Variants in GREM2 observed in about 807,000 individuals in gnomAD.
GREM2 encodes gremlin 2, DAN family BMP antagonist.
A neutral mutation model predicts 14.2 loss-of-function variants in GREM2; 11 were observed. The ratio of observed to expected loss-of-function variants is 0.78; its 90% CI spans 0.49 to 1.28. The LOEUF is 1.28. Among genes scored for constraint, GREM2 ranks in the 50% most tolerant of loss-of-function variants. The pLI is 0.00. For synonymous variants in GREM2, 98 were observed against 97.6 expected (o/e 1.00, Z -0.02); for missense variants, 210 against 218.5 (o/e 0.96, Z 0.24).
At chr1:240,603,116 G>C (rs1158387442) in intron 1 of GREM2, among the ~76,000 whole-genome samples, 1 of 152,086 alleles carries the variant, frequency 6.6e-6, no homozygotes, top group Non-Finnish European at 1.5e-5. Context: ...TTCCAAGGCG[G>C]TGAATGCGGT....
chr1:240,570,363 G>A (rs180727379), intron 1 of GREM2, among the ~76,000 whole-genome samples: 206 of 152,272 alleles, frequency 1.4e-3, no homozygotes, highest in Middle Eastern at 6.8e-3. Flanking sequence ...TCGGGGGGCT[G>A]AGGCAAGATA....
At chr1:240,601,377 A>G (rs1417164499) in intron 1 of GREM2, among the ~76,000 whole-genome samples, 3 of 152,040 alleles carry the variant, frequency 2.0e-5, no homozygotes, top group Non-Finnish European at 2.9e-5. Flanking sequence ...CATAACCTAC[A>G]TGGAGTCTTA....
At chr1:240,531,486 G>T (rs1213160523) in intron 1 of GREM2, 1 of 231,586 alleles carries the variant, frequency 4.3e-6, no homozygotes. Flanking sequence ...ATTTTAATCA[G>T]ATTTGTATGT....
At chr1:240,563,803 G>A (rs1158513173) in intron 1 of GREM2, among the ~76,000 whole-genome samples, 1 of 152,044 alleles carries the variant, frequency 6.6e-6, no homozygotes, top group Non-Finnish European at 1.5e-5. Context: ...TTATGTTCCT[G>A]GTTAAATAAA....
At chr1:240,510,401 C>CAAAAAAAAAAA (rs1553272787) in intron 1 of GREM2, among the ~76,000 whole-genome samples, 1 of 72,666 alleles carries the variant, frequency 1.4e-5, no homozygotes, top group African/African-American at 4.8e-5. Flanking sequence ...AAAAAAAAAT[C>CAAAAAAAAAAA]AAATGGTATC....
chr1:240,598,558 G>A (rs1055851115), intron 1 of GREM2, among the ~76,000 whole-genome samples: 1 of 152,176 alleles, frequency 6.6e-6, no homozygotes, highest in Non-Finnish European at 1.5e-5. Context: ...CATCAGCAGT[G>A]CTGTCTCATT....
chr1:240,572,360 T>C (rs1402670544), intron 1 of GREM2, among the ~76,000 whole-genome samples: 1 of 152,216 alleles, frequency 6.6e-6, no homozygotes, highest in Non-Finnish European at 1.5e-5. Context: ...CCTGTATTCC[T>C]GGAACAAAAA....
chr1:240,610,366 T>C lies in GREM2; in HGVS notation c.-2+1518A>G, dbSNP rs11578889. ...ATATTCACTTGCCATGTCTATACTT[T>C]GACACGATTTCAAAAAGCACCCAGT... On this transcript the variant is annotated intron_variant, in intron 1 of 1. Transcript: ENST00000318160. Among the ~76,000 whole-genome samples, 4 of 152,118 alleles carry C rather than the reference T, an allele frequency of 2.6e-5. No individual in the cohort carries two copies. The South Asian group carries it at 8.3e-4, about 32-fold the overall frequency.
intron 1 of GREM2, among the ~76,000 whole-genome samples, chr1:240,587,121 T>A (rs1038617116): frequency 5.3e-5 from 8 of 152,198 alleles, no homozygotes; most frequent in East Asian, 3.9e-4. Flanking sequence ...TATAGATCAA[T>A]TAGAGAAAAA....
At chr1:240,548,485 G>A (rs1213263111) in intron 1 of GREM2, among the ~76,000 whole-genome samples, 5 of 152,076 alleles carry the variant, frequency 3.3e-5, no homozygotes, top group Non-Finnish European at 2.9e-5. Context: ...TTACATTTGT[G>A]CAGAAAGACT....
chr1:240,551,349 T>C (rs916731595), intron 1 of GREM2, among the ~76,000 whole-genome samples: 7 of 151,926 alleles, frequency 4.6e-5, no homozygotes, highest in Non-Finnish European at 1.5e-5. Context: ...TTTTTTTTTG[T>C]TTTGTTTTTA....
chr1:240,579,097 G>T (rs1679431950), intron 1 of GREM2, among the ~76,000 whole-genome samples: 1 of 152,126 alleles, frequency 6.6e-6, no homozygotes, highest in African/African-American at 2.4e-5. Context: ...TAGGGGATGG[G>T]AGATGAATTC....
intron 1 of GREM2, among the ~76,000 whole-genome samples, chr1:240,580,607 C>G (rs1342492046): frequency 6.6e-6 from 1 of 152,190 alleles, no homozygotes; most frequent in African/African-American, 2.4e-5. Flanking sequence ...CAGCGTCTCA[C>G]TTTGTCACCC....
intron 1 of GREM2, among the ~76,000 whole-genome samples, chr1:240,514,976 CTG>C (rs1677922178): frequency 1.3e-5 from 2 of 150,330 alleles, no homozygotes; most frequent in African/African-American, 4.9e-5. Context: ...AAAAAAAAAA[CTG>C]AACAAAACAA....
chr1:240,603,874 T>G (rs1178600603), intron 1 of GREM2, among the ~76,000 whole-genome samples: 1 of 151,820 alleles, frequency 6.6e-6, no homozygotes, highest in African/African-American at 2.4e-5. Flanking sequence ...CCATTTGCAC[T>G]GCTATCATGG....
chr1:240,597,567 G>C (rs1390019537), intron 1 of GREM2, among the ~76,000 whole-genome samples: 1 of 152,146 alleles, frequency 6.6e-6, no homozygotes, highest in Admixed American at 6.5e-5. Flanking sequence ...ATTGAATGTG[G>C]CTGTTTGTTT....
chr1:240,547,530 T>G (rs1043237816), intron 1 of GREM2, among the ~76,000 whole-genome samples: 1 of 137,232 alleles, frequency 7.3e-6, no homozygotes, highest in African/African-American at 3.0e-5. Flanking sequence ...TATATATATA[T>G]ATATAGATAG....
At chr1:240,521,330 A>T (rs75874406) in intron 1 of GREM2, among the ~76,000 whole-genome samples, 1 of 152,126 alleles carries the variant, frequency 6.6e-6, no homozygotes, top group Non-Finnish European at 1.5e-5. Context: ...GCACTTTAGC[A>T]GGCCGAAGTG....
At chr1:240,512,536 A>C (rs1677857359) in intron 1 of GREM2, among the ~76,000 whole-genome samples, 2 of 152,256 alleles carry the variant, frequency 1.3e-5, no homozygotes, top group African/African-American at 4.8e-5. Context: ...CAGAACTTAT[A>C]AGCAGAGGAC....
Sources: gnomAD v4.1 joint callset for allele counts (sites outside exome capture counted in the v4.1 genomes callset) on GRCh38, gnomAD v4.1.1 for gene constraint, MANE v1.5 for transcripts, NCBI Gene and HGNC (gene_info 2026-07-23, HGNC 2026-07-21) for gene names.